Variants in DCUN1D3 observed in about 807,000 individuals in gnomAD.
DCUN1D3 encodes DCN1-like protein 3.
DCUN1D3 carries 6 observed loss-of-function variants against 24.8 expected under a neutral mutation model. The observed-to-expected ratio is 0.24, with a 90% confidence interval of 0.13 to 0.48. DCUN1D3 has a LOEUF of 0.48. Ranked by LOEUF, DCUN1D3 falls within the 20% of genes least tolerant of loss-of-function variation. DCUN1D3 has a pLI of 0.99. For synonymous variants in DCUN1D3, 120 were observed against 144.9 expected (o/e 0.83, Z 1.24); for missense variants, 258 against 379.4 (o/e 0.68, Z 2.66).
At chr16:20,896,868 T>C (rs1218692902) in intron 1 of DCUN1D3, among the ~76,000 whole-genome samples, 4 of 152,332 alleles carry the variant, frequency 2.6e-5, no homozygotes, top group South Asian at 2.1e-4. Context: ...GCTTGCTAAC[T>C]AAAAGACATT....
chr16:20,880,089 T>C (rs2081835343), intron 1 of DCUN1D3, among the ~76,000 whole-genome samples: 2 of 152,344 alleles, frequency 1.3e-5, no homozygotes, highest in South Asian at 4.1e-4. Context: ...GTGCCTAAGA[T>C]GACATTTTAT....
intron 1 of DCUN1D3, among the ~76,000 whole-genome samples, chr16:20,872,525 T>TC (rs1012255506): frequency 6.6e-6 from 1 of 151,998 alleles, no homozygotes; most frequent in African/African-American, 2.4e-5. Context: ...ATCAGCTTTT[T>TC]CCCCACGATG....
intron 1 of DCUN1D3, among the ~76,000 whole-genome samples, chr16:20,874,405 A>C (rs1054941506): frequency 6.6e-6 from 1 of 152,226 alleles, no homozygotes; most frequent in Non-Finnish European, 1.5e-5. Flanking sequence ...CTTCAAGTAG[A>C]TATGCCACAG....
In DCUN1D3 at chr16:20,857,561, A is replaced by G. The variant is rs1479450485; in HGVS notation, c.*2325T>C. ...TTTTCCCTCAGTCAACCACTACCCA[A>G]TCCAGAACCGGGGAAAATGAGTTGC... On this transcript the variant is annotated 3_prime_UTR_variant, in exon 3 of 3. Coordinates refer to ENST00000324344, the MANE Select transcript of DCUN1D3 (RefSeq NM_173475.4). 2 of 152,246 alleles carry G rather than the reference A, an allele frequency of 1.3e-5. No individual in the cohort carries two copies. The highest frequency in any genetic ancestry group is 4.8e-5 in the African/African-American group (2 of 41,446). The allele number at this position is 152,246 out of a possible 1,614,324, so 9.4% of individuals were successfully genotyped here.
chr16:20,868,108 C>T (rs1350515099), intron 1 of DCUN1D3, among the ~76,000 whole-genome samples: 1 of 152,012 alleles, frequency 6.6e-6, no homozygotes, highest in South Asian at 2.1e-4. Flanking sequence ...GGATGTCTAG[C>T]TTTCCACTCA....
intron 1 of DCUN1D3, among the ~76,000 whole-genome samples, chr16:20,893,589 C>T (rs143563478): frequency 6.8e-4 from 103 of 152,258 alleles, no homozygotes; most frequent in African/African-American, 2.4e-3. Context: ...CCCAATATAA[C>T]AGAATATTAC....
At chr16:20,866,684 G>A (rs1248111878) in intron 1 of DCUN1D3, among the ~76,000 whole-genome samples, 1 of 152,252 alleles carries the variant, frequency 6.6e-6, no homozygotes, top group East Asian at 1.9e-4. Flanking sequence ...AGTTTCAACA[G>A]ATGATCAATC....
intron 1 of DCUN1D3, among the ~76,000 whole-genome samples, chr16:20,896,911 G>A (rs1480787287): frequency 6.6e-6 from 1 of 152,188 alleles, no homozygotes; most frequent in Non-Finnish European, 1.5e-5. Context: ...TAGTAATTCA[G>A]TACCAGGATC....
intron 1 of DCUN1D3, among the ~76,000 whole-genome samples, chr16:20,881,766 AATTTCAAACATCCTT>A (rs1398979847): frequency 1.3e-4 from 20 of 151,890 alleles, no homozygotes; most frequent in African/African-American, 4.8e-4. Context: ...CTGCTCCCCT[AATTTCAAACATCCTT>A]TCAGTTAGGT....
intron 1 of DCUN1D3, among the ~76,000 whole-genome samples, chr16:20,898,843 A>G (rs970862130): frequency 1.3e-5 from 2 of 151,998 alleles, no homozygotes; most frequent in African/African-American, 4.8e-5. Flanking sequence ...AAGGAAAATC[A>G]TAACACTTCA....
chr16:20,859,745 T>C lies in DCUN1D3; in HGVS notation c.*141A>G. ...GTGCCTAAAACATGATACAGCATTT[T>C]AGAGCCCTTTCAGATACAAGGCAGA... On this transcript the variant is annotated 3_prime_UTR_variant, in exon 3 of 3. Coordinates refer to ENST00000324344, the MANE Select transcript of DCUN1D3 (RefSeq NM_173475.4). 8.4e-7 allele frequency: 1 copy of C among 1,186,254 alleles called. No homozygotes were observed. The highest frequency in any genetic ancestry group is 1.1e-6 in the Non-Finnish European group (1 of 874,998). 73.5% of individuals were successfully genotyped at this position (1,186,254 alleles called of 1,614,324 possible).
chr16:20,890,044 C>A (rs1284299002), intron 1 of DCUN1D3, among the ~76,000 whole-genome samples: 1 of 152,116 alleles, frequency 6.6e-6, no homozygotes, highest in Non-Finnish European at 1.5e-5. Flanking sequence ...GAGTGGCACA[C>A]CAGAAGGGGC....
At chr16:20,892,347 C>T (rs1273975602) in intron 1 of DCUN1D3, among the ~76,000 whole-genome samples, 1 of 152,164 alleles carries the variant, frequency 6.6e-6, no homozygotes, top group Non-Finnish European at 1.5e-5. Flanking sequence ...AAAAACACCT[C>T]CTCAGAGGGC....
intron 1 of DCUN1D3, among the ~76,000 whole-genome samples, chr16:20,866,416 C>A (rs1243140116): frequency 6.6e-6 from 1 of 152,190 alleles, no homozygotes; most frequent in African/African-American, 2.4e-5. Flanking sequence ...TTCCTGGCCT[C>A]CATCTGACCC....
At chr16:20,892,433 T>A (rs907134760) in intron 1 of DCUN1D3, among the ~76,000 whole-genome samples, 15 of 152,114 alleles carry the variant, frequency 9.9e-5, no homozygotes, top group Non-Finnish European at 2.2e-4. Context: ...TTCACTGTAA[T>A]GGTATTATTC....
chr16:20,877,570 T>C (rs1347821813), intron 1 of DCUN1D3, among the ~76,000 whole-genome samples: 1 of 152,250 alleles, frequency 6.6e-6, no homozygotes, highest in Non-Finnish European at 1.5e-5. Context: ...TCACTGATAC[T>C]GAGCACATGC....
chr16:20,884,976 GC>G (rs1308571287), intron 1 of DCUN1D3, among the ~76,000 whole-genome samples: 11 of 124,606 alleles, frequency 8.8e-5, no homozygotes, highest in Non-Finnish European at 1.4e-4. Flanking sequence ...CCACCATTTT[GC>G]TTTTTTTTTT....
chr16:20,884,239 T>A (rs983314294), intron 1 of DCUN1D3, among the ~76,000 whole-genome samples: 2 of 152,214 alleles, frequency 1.3e-5, no homozygotes, highest in Non-Finnish European at 2.9e-5. Context: ...TCTTCTTTCA[T>A]GTGGCTTTCA....
chr16:20,897,810 AG>A (rs1418917212), intron 1 of DCUN1D3, among the ~76,000 whole-genome samples: 3 of 152,248 alleles, frequency 2.0e-5, no homozygotes, highest in Admixed American at 1.3e-4. Flanking sequence ...GAAAAGACCC[AG>A]GTGACCACTG....
Sources: allele counts gnomAD v4.1 joint callset (sites outside exome capture counted in the v4.1 genomes callset), GRCh38; gene constraint gnomAD v4.1.1; transcripts MANE v1.5; gene names NCBI Gene and HGNC (gene_info 2026-07-23, HGNC 2026-07-21).